Variants in TTN observed in about 807,000 individuals in gnomAD.
TTN encodes the protein titin, also known as connectin.
TTN carries 1,525 observed loss-of-function variants against 3,223.0 expected under a neutral mutation model. The observed-to-expected ratio is 0.47, with a 90% CI of 0.45 to 0.49. The LOEUF is 0.49. Ranked by LOEUF, TTN falls within the 20% of genes least tolerant of loss-of-function variation. The pLI is 0.00. For synonymous variants in TTN, 14,094 were observed against 15,161.0 expected, an observed-to-expected ratio of 0.93 and a Z score of 5.17; for missense variants, 40,786 against 43,424.0, an observed-to-expected ratio of 0.94 and a Z score of 5.40.
In TTN at chr2:178,795,028, T is replaced by C; in HGVS notation, c.1139A>G (p.Tyr380Cys). The change falls in exon 7 of 363, where the codon TAC becomes TGC. Residue 380 changes from tyrosine (Y) to cysteine (C), a missense_variant. By Grantham distance (194) the Tyr-to-Cys change is radical (BLOSUM62 -2). Transcript: ENST00000589042. The stretch of plus-strand genomic sequence containing the variant: ...GATGGTCACTTGCTCCTGGACACCG[T>C]ATCTCCCTTCCCATCTCTCTTCTGT... ...IRTEERWEGR[Y>C]GVQEQVTISG... 1 of 1,612,678 alleles carries C rather than the reference T, an allele frequency of 6.2e-7. No individual in the cohort carries two copies. Among genetic ancestry groups the C allele is most frequent in the Non-Finnish European group, 8.5e-7 (1 of 1,180,004 alleles).
In TTN at chr2:178,779,071, G is replaced by A. The variant is rs1246677370; in HGVS notation, c.4011C>T (p.Tyr1337=). The A allele has an allele frequency of 6.2e-7, 1 of 1,613,906 alleles. No homozygotes were observed. Among genetic ancestry groups the A allele is most frequent in the African/African-American group, 1.3e-5 (1 of 75,016 alleles). ...DGKRIKHGER[Y]QMDFLQDGRA... Reference sequence around the variant, plus strand: ...TGCCATCTTGTAGAAAGTCCATTTGGTATCTTTCTCCATGTTTGATGCGCT... The same window carrying A: ...TGCCATCTTGTAGAAAGTCCATTTGATATCTTTCTCCATGTTTGATGCGCT... The change falls in exon 24 of 363, where the codon TAC becomes TAT. Residue 1337 remains tyrosine (Y), a synonymous_variant. Transcript: ENST00000589042.
chr2:178,756,938 T>C, intron 45 of TTN, 141 bp from the exon 46 acceptor site: 1 of 749,642 alleles, frequency 1.3e-6, no homozygotes, highest in Non-Finnish European at 2.1e-6. Flanking sequence ...CCAGATGCAA[T>C]ATGATCTAGA....
chr2:178,547,621 A>C lies in TTN; in HGVS notation c.94005T>G (p.Asp31335Glu). ...SCVLSWGEPKDGGGTEITNYI... is the reference protein window; with the variant it reads ...SCVLSWGEPKEGGGTEITNYI... ...AATTAGTAATTTCAGTGCCTCCTCC[A>C]TCTTTAGGTTCTCCCCATGACAGGA... The change falls in exon 339 of 363, where the codon GAT becomes GAG. Residue 31335 changes from aspartate to glutamate, a missense_variant. Asp to Glu is a conservative substitution (Grantham distance 45, BLOSUM62 2). Transcript: ENST00000589042. 1 of 1,613,878 alleles carries C rather than the reference A, an allele frequency of 6.2e-7. No homozygotes were observed. The highest frequency in any genetic ancestry group is 8.5e-7 in the Non-Finnish European group (1 of 1,179,830).
At position 178,664,914 on chromosome 2, in the gene TTN, G is replaced by A. The variant is rs2065633432; in HGVS notation, c.36056C>T (p.Pro12019Leu). Residue 12019 changes from proline to leucine, a missense_variant, in exon 166 of 363, where the codon CCT becomes CTT. Pro to Leu is a moderately conservative substitution (Grantham distance 98, BLOSUM62 -3). Coordinates refer to ENST00000589042, the MANE Select transcript of TTN (RefSeq NM_001267550.2). ...TGTCTTGGCAGGAATAATTTCTTGAGGAGCTTCGGGCGCTTGAAAGATATT... is the reference window on the plus strand; with the variant it reads ...TGTCTTGGCAGGAATAATTTCTTGAAGAGCTTCGGGCGCTTGAAAGATATT... ...ETPRMKTPEA[P>L]QEIIPAKTVP... 1.9e-6 allele frequency: 3 copies of A among 1,608,346 alleles called. No individual in the cohort carries two copies. The African/African-American group carries it at 4.0e-5, about 21-fold the overall frequency.
intron 127 of TTN, among the ~76,000 whole-genome samples, 160 bp downstream of exon 127, chr2:178,687,951 T>C (rs2071337404): frequency 6.6e-6 from 1 of 152,214 alleles, no homozygotes; most frequent in Admixed American, 6.5e-5. Flanking sequence ...TCCTCCTGAA[T>C]CTTGTGTTTT....
rs747408995 is a variant in TTN at position 178,646,026 on chromosome 2, A to C, written c.40302T>G (p.Pro13434=). The part of the protein sequence containing the change: ...PQPEEIPVKE[P]EPEKVIEKPK... ...GCTTCTCAATAACCTTTTCAGGTTC[A>C]GGTTCTTGAAAGAGTATTTCAGAGG... Residue 13434 remains proline (P), a synonymous_variant, in exon 217 of 363, where the codon CCT becomes CCG. Transcript: ENST00000589042. The C allele has an allele frequency of 6.5e-7, 1 of 1,543,784 alleles. No individual in the cohort carries two copies. The highest frequency in any genetic ancestry group is 1.3e-5 in the South Asian group (1 of 77,508).
intron 111 of TTN, among the ~76,000 whole-genome samples, chr2:178,699,293 AAAGTCCTTTGTTGTG>A (rs2074332035): frequency 6.7e-6 from 1 of 149,442 alleles, no homozygotes; most frequent in African/African-American, 2.5e-5. Flanking sequence ...AAGTGGGTTT[AAAGTCCTTTGTTGTG>A]CAGCTGTTAT....
chr2:178,756,521 G>A lies in TTN; in HGVS notation c.10955C>T (p.Ala3652Val). ...GGGCGCCTCACCCGTGGACTCTTTA[G>A]CACATTCCTTAGATAGCTCAGTGCT... ...AESTELSKEC[A>V]KESTGEAPKI... The change falls in exon 46 of 363, where the codon GCT (alanine) becomes GTT (valine). Residue 3652 changes from alanine (A) to valine (V), a missense_variant. Physicochemically the swap from Ala to Val is moderately conservative, Grantham distance 64 (BLOSUM62 0). Transcript: ENST00000589042. The A allele has an allele frequency of 6.2e-7, 1 of 1,613,538 alleles. No homozygotes were observed. Among genetic ancestry groups the A allele is most frequent in the Non-Finnish European group, 8.5e-7 (1 of 1,179,658 alleles).
chr2:178,553,060 C>G lies in TTN; in HGVS notation c.89840G>C (p.Arg29947Pro). 6.2e-7 allele frequency: 1 copy of G among 1,612,488 alleles called. No homozygotes were observed. The highest frequency in any genetic ancestry group is 8.5e-7 in the Non-Finnish European group (1 of 1,179,498). The change falls in exon 335 of 363, where the codon CGA (arginine) becomes CCA (proline). Residue 29947 changes from arginine (R) to proline (P), a missense_variant. Physicochemically the swap from Arg to Pro is moderately radical, Grantham distance 103. Transcript: ENST00000589042. ...CQKLQVKHVS[R>P]GTVTLLWDPP... Reference sequence around the variant, plus strand: ...ATCCCAGAGCAAAGTGACTGTGCCTCGAGAAACATGTTTAACCTGTAGTTT... The same window carrying G: ...ATCCCAGAGCAAAGTGACTGTGCCTGGAGAAACATGTTTAACCTGTAGTTT...
chr2:178,635,828 T>A, intron 226 of TTN, 113 bp from the exon 227 acceptor site: 1 of 1,514,192 alleles, frequency 6.6e-7, no homozygotes. Flanking sequence ...GCATAATTAA[T>A]CCACTGTAGG....
rs373049260 is a variant in TTN, at chr2:178,549,807, G to C, written c.91915C>G (p.Leu30639Val). The change falls in exon 338 of 363, where the codon CTG becomes GTG. Residue 30639 changes from leucine to valine, a missense_variant. Transcript: ENST00000589042. ...FTNITGEKMT[L>V]WWDAPLNDGC... is the part of the protein sequence containing the mutation. The stretch of plus-strand genomic sequence containing the variant: ...TCATTGAGTGGGGCATCCCACCACA[G>C]AGTCATCTTCTCCCCAGTAATATTG... 5 of 1,607,930 alleles carry C rather than the reference G, an allele frequency of 3.1e-6. No homozygotes were observed. The highest frequency in any genetic ancestry group is 4.3e-6 in the Non-Finnish European group (5 of 1,175,310).
chr2:178,533,448 G>A lies in TTN; in HGVS notation c.103167C>T (p.Ile34389=). Residue 34389 remains isoleucine, a synonymous_variant, in exon 358 of 363, where the codon ATC becomes ATT. Transcript: ENST00000589042. ...SVCFEIRVSG[I]PPPTLKWEKD... The stretch of plus-strand genomic sequence containing the variant: ...TCTCCCATTTTAATGTTGGTGGGGG[G>A]ATGCCAGACACTCTGATCTCAAAGC... 1 of 1,613,746 alleles carries A rather than the reference G, an allele frequency of 6.2e-7. No individual in the cohort carries two copies. The highest frequency in any genetic ancestry group is 8.5e-7 in the Non-Finnish European group (1 of 1,179,730).
At chr2:178,578,362 A>G (rs1297916538) in intron 321 of TTN, among the ~76,000 whole-genome samples, 177 bp from the exon 322 acceptor site, 1 of 151,920 alleles carries the variant, frequency 6.6e-6, no homozygotes, top group Non-Finnish European at 1.5e-5. Context: ...TGGAATATGC[A>G]TAGTTGTTGT....
In TTN at chr2:178,773,252, T is replaced by A; in HGVS notation, c.7712A>T (p.Glu2571Val). The change falls in exon 33 of 363, where the codon GAA becomes GTA. Residue 2571 changes from glutamate (E) to valine (V), a missense_variant. Physicochemically the swap from Glu to Val is moderately radical, Grantham distance 121. Transcript: ENST00000589042. ...TTTATATTTAGAACTGGGCTTGATT[T>A]CCTTGTCCTTAAAATTCCACAGGAC... is the stretch of plus-strand genomic sequence containing the variant. ...IDVLWNFKDK[E>V]IKPSSKYKIE... The A allele has an allele frequency of 6.2e-7, 1 of 1,613,960 alleles. No homozygotes were observed. The highest frequency in any genetic ancestry group is 2.2e-5 in the East Asian group (1 of 44,814).
Position 178,649,262 on chromosome 2 carries a change from A to G in TTN, c.40043T>C (p.Val13348Ala). The G allele has an allele frequency of 6.7e-7, 1 of 1,500,438 alleles. No homozygotes were observed. The highest frequency in any genetic ancestry group is 8.8e-7 in the Non-Finnish European group (1 of 1,130,532). The allele number at this position is 1,500,438 out of a possible 1,614,324, so 92.9% of individuals were successfully genotyped here. ...EPVPVTKKPE[V>A]LPEKVPKVPE... Reference sequence around the variant, plus strand: ...ATGGTAGGTACCTTTTTCTGGAAGAACTTCTGGTTTTTTGGTAACAGGCAC... The same window carrying G: ...ATGGTAGGTACCTTTTTCTGGAAGAGCTTCTGGTTTTTTGGTAACAGGCAC... Residue 13348 changes from valine to alanine, a missense_variant, in exon 213 of 363, where the codon GTT (valine) becomes GCT (alanine). By Grantham distance (64) the Val-to-Ala change is moderately conservative. Transcript: ENST00000589042.
In TTN at chr2:178,537,452, G is replaced by A; in HGVS notation, c.99755C>T (p.Thr33252Ile). 2 of 1,613,340 alleles carry A rather than the reference G, an allele frequency of 1.2e-6. No homozygotes were observed. The highest frequency in any genetic ancestry group is 1.1e-5 in the South Asian group (1 of 91,010). Reference protein sequence around the residue: ...NITIENTEHYTHLVMKNVQRK... With the variant: ...NITIENTEHYIHLVMKNVQRK... ...TTGGACATTCTTCATGACAAGATGA[G>A]TATAGTGCTCAGTGTTTTCAATAGT... The change falls in exon 355 of 363, where the codon ACT becomes ATT. Residue 33252 changes from threonine (T) to isoleucine (I), a missense_variant. Coordinates refer to ENST00000589042, the MANE Select transcript of TTN (RefSeq NM_001267550.2).
rs777288641 is a variant in TTN at position 178,534,392 on chromosome 2, G to A, written c.102223C>T (p.Gln34075Ter). ...SEALQHPWLK[Q>*]KIERVSTKVI... Reference sequence around the variant, plus strand: ...TTAGTACTGACTCTTTCTATCTTCTGCTTCAACCATGGGTGCTGGAGAGCC... The same window carrying A: ...TTAGTACTGACTCTTTCTATCTTCTACTTCAACCATGGGTGCTGGAGAGCC... Residue 34075 changes from glutamine (Q) to a stop codon, truncating the protein, a stop_gained, in exon 358 of 363, where the codon CAG becomes TAG. Transcript: ENST00000589042. LOFTEE classifies it high-confidence loss of function. 6.2e-7 allele frequency: 1 copy of A among 1,610,606 alleles called. No homozygotes were observed. The highest frequency in any genetic ancestry group is 1.1e-5 in the South Asian group (1 of 91,072).
intron 127 of TTN, among the ~76,000 whole-genome samples, chr2:178,686,503 G>A (rs189983519): frequency 3.0e-4 from 46 of 151,938 alleles, no homozygotes; most frequent in African/African-American, 1.0e-3. Context: ...CTGTAACCTC[G>A]AACTCCTGGG....
chr2:178,735,687 G>T lies in TTN; in HGVS notation c.14759C>A (p.Thr4920Lys), dbSNP rs371455094. The T allele has an allele frequency of 6.2e-7, 1 of 1,613,720 alleles. No individual in the cohort carries two copies. The highest frequency in any genetic ancestry group is 1.7e-5 in the Admixed American group (1 of 59,994). The change falls in exon 50 of 363, where the codon ACG (threonine) becomes AAG (lysine). Residue 4920 changes from threonine (T) to lysine (K), a missense_variant. Coordinates refer to ENST00000589042, the MANE Select transcript of TTN (RefSeq NM_001267550.2). ...QVDEDRKVTV[T>K]WSKDGQKLPP... is the part of the protein sequence containing the mutation. ...GAGTTTTTGCCCATCTTTGCTCCACGTAACTGTGACTTTTCTGTCTTCATC... is the reference window on the plus strand; with the variant it reads ...GAGTTTTTGCCCATCTTTGCTCCACTTAACTGTGACTTTTCTGTCTTCATC...
Sources: allele counts gnomAD v4.1 joint callset (sites outside exome capture counted in the v4.1 genomes callset), GRCh38; gene constraint gnomAD v4.1.1; transcripts MANE v1.5; gene names NCBI Gene and HGNC (gene_info 2026-07-23, HGNC 2026-07-21).